Variants in MLLT3 observed in about 807,000 individuals in gnomAD.
MLLT3 encodes the protein MLLT3 super elongation complex subunit, also known as protein AF-9.
In MLLT3, 4 loss-of-function variants were observed where a neutral mutation model predicts 53.2. That is an observed-to-expected ratio of 0.08 (90% CI 0.04 to 0.17). MLLT3 has a LOEUF of 0.17. Among genes scored for constraint, MLLT3 ranks in the 10% least tolerant of loss-of-function variants. MLLT3 has a pLI of 1.00. For synonymous variants in MLLT3, 283 were observed against 230.6 expected, an observed-to-expected ratio of 1.23 and a Z score of -2.06; for missense variants, 569 against 684.0, an observed-to-expected ratio of 0.83 and a Z score of 1.87.
chr9:20,517,558 C>A (rs1817946983), intron 2 of MLLT3, among the ~76,000 whole-genome samples: 2 of 152,088 alleles, frequency 1.3e-5, no homozygotes, highest in East Asian at 3.8e-4. Context: ...GAAGCAGGGC[C>A]AGGCGCAGTG....
At chr9:20,364,997 T>C (rs569379614) in intron 6 of MLLT3, among the ~76,000 whole-genome samples, 91 of 152,344 alleles carry the variant, frequency 6.0e-4, no homozygotes, top group African/African-American at 2.1e-3. Context: ...AGCCAATTAG[T>C]ATTGCCTTAA....
intron 2 of MLLT3, among the ~76,000 whole-genome samples, chr9:20,522,081 A>T (rs1315380094): frequency 6.6e-6 from 1 of 151,888 alleles, no homozygotes; most frequent in Non-Finnish European, 1.5e-5. Flanking sequence ...AAATGTAGAA[A>T]CACATTTATT....
intron 4 of MLLT3, among the ~76,000 whole-genome samples, chr9:20,427,663 C>T (rs892893050): frequency 6.6e-6 from 1 of 151,280 alleles, no homozygotes; most frequent in Non-Finnish European, 1.5e-5. Flanking sequence ...AAATGAAGAA[C>T]ACCAAAACAA....
intron 2 of MLLT3, among the ~76,000 whole-genome samples, chr9:20,524,033 T>G (rs1723322294): frequency 6.6e-6 from 1 of 151,062 alleles, no homozygotes; most frequent in East Asian, 1.9e-4. Context: ...TCAGGGGAAG[T>G]GGCAGGGAGA....
rs148598202 is a variant in MLLT3 at position 20,455,491 on chromosome 9, G to A, written c.276+1213C>T. ...CAGATTCCTAGGCCCTGCCTCCAGA[G>A]ATTCTGATTTGATACATCTGGGTAG... On this transcript the variant is annotated intron_variant, in intron 3 of 10. Coordinates refer to ENST00000380338, the MANE Select transcript of MLLT3 (RefSeq NM_004529.4). Among the ~76,000 whole-genome samples the A allele has an allele frequency of 2.1e-3, 324 of 152,326 alleles. 3 individuals are homozygous for A. Among genetic ancestry groups the A allele is most frequent in the Admixed American group, 0.019 (285 of 15,306 alleles).
At chr9:20,554,544 G>A (rs1819006479) in intron 2 of MLLT3, among the ~76,000 whole-genome samples, 1 of 152,100 alleles carries the variant, frequency 6.6e-6, no homozygotes, top group Non-Finnish European at 1.5e-5. Flanking sequence ...GAAAATCAAT[G>A]AAACAATATT....
intron 2 of MLLT3, among the ~76,000 whole-genome samples, chr9:20,500,547 G>T (rs1439278950): frequency 6.6e-6 from 1 of 152,170 alleles, no homozygotes; most frequent in Non-Finnish European, 1.5e-5. Flanking sequence ...TAACTTTACG[G>T]AAATCTTTGG....
rs1362665463 is a variant in MLLT3, at chr9:20,555,140, A to G, written c.193+65514T>C. Among the ~76,000 whole-genome samples the G allele has an allele frequency of 2.6e-5, 4 of 152,236 alleles. No individual in the cohort carries two copies. In the East Asian group the frequency reaches 7.7e-4, roughly 29 times the overall value. ...AATCATCCCCTTCCCCAGGGTGGCC[A>G]GACGAGTCTTCAGATAGCACTCCTC... On this transcript the variant is annotated intron_variant, in intron 2 of 10. Coordinates refer to ENST00000380338, the MANE Select transcript of MLLT3 (RefSeq NM_004529.4).
At chr9:20,396,028 A>G (rs912769063) in intron 5 of MLLT3, among the ~76,000 whole-genome samples, 2 of 152,190 alleles carry the variant, frequency 1.3e-5, no homozygotes, top group African/African-American at 4.8e-5. Flanking sequence ...TCTATTCAGT[A>G]GACAAGATGA....
rs1477621220 is a variant in MLLT3, at chr9:20,448,300, A to G, written c.277-34T>C. 6.2e-7 allele frequency: 1 copy of G among 1,604,532 alleles called. No homozygotes were observed. The highest frequency in any genetic ancestry group is 1.1e-5 in the South Asian group (1 of 89,210). Reference sequence around the variant, plus strand: ...TAACAAAAATTATGAAAGAAAAAAGAGAGTGAGGCATAAGTGAAATTTTAA... The same window carrying G: ...TAACAAAAATTATGAAAGAAAAAAGGGAGTGAGGCATAAGTGAAATTTTAA... On this transcript the variant is annotated intron_variant, in intron 3 of 10. Transcript: ENST00000380338. The surrounding 1 kb of genome is among the most constrained non-coding windows in gnomAD (Gnocchi z 4.0).
At chr9:20,519,486 CT>C (rs1004108896) in intron 2 of MLLT3, among the ~76,000 whole-genome samples, 5 of 152,068 alleles carry the variant, frequency 3.3e-5, no homozygotes, top group African/African-American at 1.2e-4. Context: ...CATATATAGG[CT>C]TTTTTGACTA....
At chr9:20,587,690 T>C (rs1454607256) in intron 2 of MLLT3, among the ~76,000 whole-genome samples, 1 of 152,092 alleles carries the variant, frequency 6.6e-6, no homozygotes, top group African/African-American at 2.4e-5. Flanking sequence ...ATGGGGTTGT[T>C]TGTTTTTTTC....
At chr9:20,414,477 G>A (rs778609958) in intron 4 of MLLT3, 52 bp from the exon 5 acceptor site, 7 of 1,594,362 alleles carry the variant, frequency 4.4e-6, no homozygotes, top group Non-Finnish European at 6.0e-6. Context: ...TAGCAATGAA[G>A]AGTCAAAAGA....
chr9:20,439,370 A>G (rs1329426155), intron 4 of MLLT3, among the ~76,000 whole-genome samples: 1 of 151,980 alleles, frequency 6.6e-6, no homozygotes, highest in Non-Finnish European at 1.5e-5. Flanking sequence ...ACAAAAACAA[A>G]AACAGAAACA....
intron 5 of MLLT3, among the ~76,000 whole-genome samples, 196 bp downstream of exon 5, chr9:20,413,525 A>C (rs1047474440): frequency 3.9e-5 from 6 of 152,202 alleles, no homozygotes; most frequent in East Asian, 1.9e-4. Context: ...TAACAGCCTA[A>C]AATTCTGCAG....
At chr9:20,451,319 G>A (rs576972207) in intron 3 of MLLT3, among the ~76,000 whole-genome samples, 1 of 152,162 alleles carries the variant, frequency 6.6e-6, no homozygotes, top group South Asian at 2.1e-4. Flanking sequence ...ACTTTTACTA[G>A]GAAAATATAT....
At chr9:20,595,354 G>A (rs1820234894) in intron 2 of MLLT3, among the ~76,000 whole-genome samples, 1 of 151,922 alleles carries the variant, frequency 6.6e-6, no homozygotes, top group African/African-American at 2.4e-5. Flanking sequence ...CTGAGTGACA[G>A]AGCAAGACCC....
chr9:20,466,130 C>T (rs1824232745), intron 2 of MLLT3, among the ~76,000 whole-genome samples: 2 of 152,072 alleles, frequency 1.3e-5, no homozygotes, highest in African/African-American at 2.4e-5. Flanking sequence ...ATCTCCTATC[C>T]AAAATGCTTG....
intron 2 of MLLT3, among the ~76,000 whole-genome samples, chr9:20,545,618 T>C (rs758412065): frequency 6.6e-6 from 1 of 152,212 alleles, no homozygotes; most frequent in Non-Finnish European, 1.5e-5. Context: ...ATATTACCTA[T>C]ATACAAAGTA....
Sources: allele counts gnomAD v4.1 joint callset (sites outside exome capture counted in the v4.1 genomes callset), GRCh38; gene constraint gnomAD v4.1.1; non-coding constraint Gnocchi (gnomAD v3.1); transcripts MANE v1.5; gene names NCBI Gene and HGNC (gene_info 2026-07-23, HGNC 2026-07-21).